Variants in C1orf94 observed in about 807,000 individuals in gnomAD.
C1orf94 encodes the protein chromosome 1 open reading frame 94, also known as uncharacterized protein C1orf94.
C1orf94 carries 45 observed loss-of-function variants against 53.6 expected under a neutral mutation model. The observed-to-expected ratio is 0.84, with a 90% CI of 0.66 to 1.08. The LOEUF (loss-of-function observed/expected upper bound fraction) is 1.08, where lower values mean the gene tolerates loss of function less well. C1orf94 is among the 50% of genes least tolerant of loss of function. C1orf94 has a pLI of 0.00. For synonymous variants in C1orf94, 304 were observed against 296.1 expected (o/e 1.03, Z -0.27); for missense variants, 762 against 738.9 (o/e 1.03, Z -0.36).
upstream of C1orf94, among the ~76,000 whole-genome samples, chr1:34,176,058 G>T (rs1348725784): frequency 6.6e-6 from 1 of 152,068 alleles, no homozygotes; most frequent in African/African-American, 2.4e-5. Flanking sequence ...GGAGAGCAGG[G>T]ACCATGCCAT....
chr1:34,195,190 G>A (rs1247712476), intron 1 of C1orf94, among the ~76,000 whole-genome samples: 1 of 152,150 alleles, frequency 6.6e-6, no homozygotes, highest in Non-Finnish European at 1.5e-5. Context: ...TCAGGAGCTG[G>A]CCGGGACCAG....
intron 1 of C1orf94, among the ~76,000 whole-genome samples, chr1:34,192,762 A>G (rs924490727): frequency 6.6e-6 from 1 of 152,172 alleles, no homozygotes; most frequent in Non-Finnish European, 1.5e-5. Context: ...CCGAGGCCTG[A>G]GTGATGAGGA....
rs1642903659 is a variant in C1orf94, at chr1:34,212,308, C to A, written c.1623C>A (p.Pro541=). ...TCCCTTTTGTCCAGCCCAATTATCC[C>A]TACCCTCAGAGGACACCTCCAAAGA... is the stretch of plus-strand genomic sequence containing the variant. ...SYIPFVQPNY[P]YPQRTPPKMS... The change falls in exon 6 of 7, where the codon CCC becomes CCA. Residue 541 remains proline, a synonymous_variant. Transcript: ENST00000488417. 3 of 1,614,074 alleles carry A rather than the reference C, an allele frequency of 1.9e-6. No individual in the cohort carries two copies. Among genetic ancestry groups the A allele is most frequent in the Non-Finnish European group, 2.5e-6 (3 of 1,180,010 alleles).
intron 1 of C1orf94, among the ~76,000 whole-genome samples, chr1:34,192,941 T>G (rs1642516802): frequency 6.6e-6 from 1 of 152,230 alleles, no homozygotes; most frequent in Middle Eastern, 3.4e-3. Flanking sequence ...TAAAGGAGTT[T>G]GGATTTTATC....
chr1:34,177,934 A>G lies in C1orf94; in HGVS notation c.145A>G (p.Arg49Gly), dbSNP rs1642254872. 1 of 1,551,586 alleles carries G rather than the reference A, an allele frequency of 6.4e-7. No homozygotes were observed. Among genetic ancestry groups the G allele is most frequent in the African/African-American group, 1.4e-5 (1 of 73,044 alleles). ...KGPCALGPFPRYIWIHQDTPQ... is the reference protein window; with the variant it reads ...KGPCALGPFPGYIWIHQDTPQ... ...CCCCTGCGCCCTGGGCCCATTCCCC[A>G]GATACATCTGGATCCACCAGGACAC... is the stretch of plus-strand genomic sequence containing the variant. The change falls in exon 1 of 7, where the codon AGA (arginine) becomes GGA (glycine). Residue 49 changes from arginine to glycine, a missense_variant. Transcript: ENST00000488417.
At chr1:34,190,729 C>T (rs560933973) in intron 1 of C1orf94, among the ~76,000 whole-genome samples, 1 of 152,316 alleles carries the variant, frequency 6.6e-6, no homozygotes, top group East Asian at 1.9e-4. Flanking sequence ...CTGGCTTTGT[C>T]CCTTAGTAAG....
At chr1:34,171,154 T>C (rs952995580) in intron 1 of C1orf94, among the ~76,000 whole-genome samples, 4 of 152,266 alleles carry the variant, frequency 2.6e-5, no homozygotes, top group Admixed American at 2.6e-4. Flanking sequence ...CCATCATCTG[T>C]CCCTGCCAGC....
intron 1 of C1orf94, among the ~76,000 whole-genome samples, chr1:34,180,608 T>A (rs1249680380): frequency 6.6e-6 from 1 of 152,260 alleles, no homozygotes; most frequent in Non-Finnish European, 1.5e-5. Flanking sequence ...ATGTCGGCTG[T>A]CCTGTCTTAG....
At chr1:34,202,008 A>T in intron 3 of C1orf94, 76 bp from the exon 4 acceptor site, 1 of 1,462,132 alleles carries the variant, frequency 6.8e-7, no homozygotes, top group South Asian at 1.3e-5. Flanking sequence ...TCCCTAAGGA[A>T]GTTGCGATGC....
chr1:34,202,253 G>C lies in C1orf94; in HGVS notation c.1440G>C (p.Gln480His). The change falls in exon 4 of 7, where the codon CAG (glutamine) becomes CAC (histidine). Residue 480 changes from glutamine to histidine, a missense_variant. Coordinates refer to ENST00000488417, the MANE Select transcript of C1orf94 (RefSeq NM_001134734.2). ...PVFTNHSTFLQYQGLYPQQAA... is the reference protein window; with the variant it reads ...PVFTNHSTFLHYQGLYPQQAA... The stretch of plus-strand genomic sequence containing the variant: ...TCACGAATCACTCTACCTTCTTGCA[G>C]TATCAGGTCAGTGAGCTGGCCTGGC... 1 of 1,614,006 alleles carries C rather than the reference G, an allele frequency of 6.2e-7. No homozygotes were observed.
At chr1:34,189,285 T>C (rs1469916137) in intron 1 of C1orf94, among the ~76,000 whole-genome samples, 2 of 151,940 alleles carry the variant, frequency 1.3e-5, no homozygotes, top group African/African-American at 4.8e-5. Flanking sequence ...AATGTGTGTA[T>C]GTGTGCATAG....
Position 34,197,291 on chromosome 1 carries a change from C to G in C1orf94, c.387C>G (p.Leu129=), listed in dbSNP as rs1403649293. 1.7e-5 allele frequency: 26 copies of G among 1,553,290 alleles called. No individual in the cohort carries two copies. The highest frequency in any genetic ancestry group is 2.1e-5 in the Non-Finnish European group (24 of 1,147,778). Residue 129 remains leucine, a synonymous_variant, in exon 2 of 7, where the codon CTC becomes CTG. Coordinates refer to ENST00000488417, the MANE Select transcript of C1orf94 (RefSeq NM_001134734.2). This position sits in a 1 kb window ranked among gnomAD's most constrained non-coding sequence, Gnocchi z 4.1. ...TGGTGGAACAGGAGTTCCTAAGCCT[C>G]ACCAAAGAGCACTCGATCCTGGTCG... ...SLLVEQEFLS[L]TKEHSILVEE...
chr1:34,182,382 T>C (rs1642323681), intron 1 of C1orf94, among the ~76,000 whole-genome samples: 2 of 152,102 alleles, frequency 1.3e-5, no homozygotes, highest in African/African-American at 4.8e-5. Context: ...TTATTCCACA[T>C]GTTATGGAAC....
intron 1 of C1orf94, among the ~76,000 whole-genome samples, chr1:34,185,236 G>A: frequency 6.6e-6 from 1 of 152,074 alleles, no homozygotes; most frequent in East Asian, 1.9e-4. Flanking sequence ...CTGGAGTGCA[G>A]TGGCGCGATC....
intron 1 of C1orf94, among the ~76,000 whole-genome samples, chr1:34,190,150 G>A (rs1317756385): frequency 6.6e-6 from 1 of 152,080 alleles, no homozygotes; most frequent in Non-Finnish European, 1.5e-5. Context: ...CATGGTTGTG[G>A]TGGGGACAAG....
At chr1:34,174,115 G>A (rs116517709), upstream of C1orf94, among the ~76,000 whole-genome samples, 1 of 152,338 alleles carries the variant, frequency 6.6e-6, no homozygotes, top group Non-Finnish European at 1.5e-5. Context: ...CATGATGGAT[G>A]CTCAAAAATG....
chr1:34,198,856 G>T (rs1193001618), intron 2 of C1orf94, among the ~76,000 whole-genome samples: 1 of 152,198 alleles, frequency 6.6e-6, no homozygotes, highest in Non-Finnish European at 1.5e-5. Context: ...AGGAGCCAGA[G>T]GGCTTTAGGA....
At chr1:34,213,143 G>A (rs1299440933) in intron 6 of C1orf94, among the ~76,000 whole-genome samples, 1 of 152,176 alleles carries the variant, frequency 6.6e-6, no homozygotes, top group Non-Finnish European at 1.5e-5. Context: ...GTCATTCCTG[G>A]GAATCCCAGT....
Position 34,178,046 on chromosome 1 carries a change from T to C in C1orf94, c.257T>C (p.Met86Thr), listed in dbSNP as rs1375685797. 4.5e-6 allele frequency: 7 copies of C among 1,551,710 alleles called. No individual in the cohort carries two copies. The African/African-American group carries it at 8.2e-5, about 18-fold the overall frequency. The change falls in exon 1 of 7, where the codon ATG (methionine) becomes ACG (threonine). Residue 86 changes from methionine (M) to threonine (T), a missense_variant. Transcript: ENST00000488417. ...GAGGCCTCACAGCCCTGGACCTCCA[T>C]GGAGCAGCTCTCTGTCCCTGTGGTT... Reference protein sequence around the residue: ...LPEASQPWTSMEQLSVPVVGT... With the variant: ...LPEASQPWTSTEQLSVPVVGT...
Sources: gnomAD v4.1 joint callset for allele counts (sites outside exome capture counted in the v4.1 genomes callset) on GRCh38, gnomAD v4.1.1 for gene constraint, Gnocchi (gnomAD v3.1) non-coding constraint, MANE v1.5 for transcripts, NCBI Gene and HGNC (gene_info 2026-07-23, HGNC 2026-07-21) for gene names.